NEK7: variants seen among roughly 807,000 people sequenced by gnomAD.
NEK7 encodes the protein serine/threonine-protein kinase Nek7.
A neutral mutation model predicts 44.6 loss-of-function variants in NEK7; 18 were observed. The observed-to-expected ratio is 0.40, with a 90% CI of 0.28 to 0.60. The LOEUF is 0.60. Among genes scored for constraint, NEK7 ranks in the 20% least tolerant of loss-of-function variants. The pLI, the probability that NEK7 is intolerant of heterozygous loss-of-function variation, is 0.38. For missense variants in NEK7, 256 were observed against 366.5 expected (o/e 0.70, Z 2.46); for synonymous variants, 130 against 121.1 (o/e 1.07, Z -0.48).
intron 8 of NEK7, among the ~76,000 whole-genome samples, chr1:198,296,166 C>T (rs920098016): frequency 1.3e-5 from 2 of 152,182 alleles, no homozygotes; most frequent in African/African-American, 4.8e-5. Context: ...GCGTGTTTCA[C>T]ACACACTCTG....
chr1:198,319,019 C>A (rs1309890460), intron 9 of NEK7, among the ~76,000 whole-genome samples: 4 of 151,938 alleles, frequency 2.6e-5, no homozygotes, highest in Non-Finnish European at 4.4e-5. Context: ...TTTAAACTTA[C>A]AATTAAGTCT....
At chr1:198,306,651 T>G (rs1433168398) in intron 9 of NEK7, among the ~76,000 whole-genome samples, 1 of 152,182 alleles carries the variant, frequency 6.6e-6, no homozygotes, top group African/African-American at 2.4e-5. Flanking sequence ...TGACCTTGTT[T>G]ATGATTGTTA....
intron 9 of NEK7, 80 bp from the exon 10 acceptor site, chr1:198,319,332 T>C: frequency 3.7e-6 from 3 of 800,272 alleles, no homozygotes; most frequent in Non-Finnish European, 6.1e-6. Context: ...AATCTATAGC[T>C]ATTCATAATT....
Position 198,319,581 on chromosome 1 carries a change from A to T in NEK7, c.*59A>T, listed in dbSNP as rs181376182. 47 of 1,488,108 alleles carry T rather than the reference A, an allele frequency of 3.2e-5. No homozygotes were observed. In the Admixed American group the frequency reaches 3.6e-4, roughly 11 times the overall value. The allele number at this position is 1,488,108 out of a possible 1,614,324, so 92.2% of individuals were successfully genotyped here. The stretch of plus-strand genomic sequence containing the variant: ...ATTGAAAGTATTTTGTGCAAGTCAT[A>T]CCTCCCCATTTATGTCTGGTGTTAA... On this transcript the variant is annotated 3_prime_UTR_variant, in exon 10 of 10. Transcript: ENST00000367385.
chr1:198,261,430 G>A (rs886254613), intron 3 of NEK7, among the ~76,000 whole-genome samples: 1 of 151,910 alleles, frequency 6.6e-6, no homozygotes. Context: ...TTGCAATGAA[G>A]TTTAAAGCAT....
At chr1:198,283,413 G>A (rs1654271762) in intron 7 of NEK7, among the ~76,000 whole-genome samples, 1 of 152,012 alleles carries the variant, frequency 6.6e-6, no homozygotes, top group Non-Finnish European at 1.5e-5. Context: ...GAACTCATTA[G>A]CCCATAGAGC....
At chr1:198,290,764 A>G (rs1350687228) in intron 7 of NEK7, among the ~76,000 whole-genome samples, 3 of 152,206 alleles carry the variant, frequency 2.0e-5, no homozygotes, top group African/African-American at 7.2e-5. Flanking sequence ...TAACGAATAT[A>G]TGTAGTTTAA....
intron 1 of NEK7, among the ~76,000 whole-genome samples, chr1:198,179,064 T>C (rs1397411987): frequency 1.3e-5 from 2 of 149,910 alleles, no homozygotes; most frequent in East Asian, 4.1e-4. Context: ...ATATGGTCAA[T>C]ATAAAAACAT....
chr1:198,242,212 G>C (rs1383767065), intron 2 of NEK7, among the ~76,000 whole-genome samples: 2 of 151,886 alleles, frequency 1.3e-5, no homozygotes, highest in Non-Finnish European at 2.9e-5. Flanking sequence ...CAGTCTCCCT[G>C]CTTCCATTCT....
At chr1:198,168,426 A>G (rs1057114270) in intron 1 of NEK7, among the ~76,000 whole-genome samples, 3 of 152,190 alleles carry the variant, frequency 2.0e-5, no homozygotes, top group African/African-American at 7.2e-5. Context: ...GTGGGTTGTC[A>G]TCCCCAGAAC....
chr1:198,280,518 A>G (rs1654162247), intron 7 of NEK7, among the ~76,000 whole-genome samples: 1 of 151,976 alleles, frequency 6.6e-6, no homozygotes, highest in South Asian at 2.1e-4. Context: ...CCACTTCTTA[A>G]CCATTTTGTT....
intron 6 of NEK7, 48 bp downstream of exon 6, chr1:198,278,117 A>C: frequency 1.0e-6 from 1 of 978,036 alleles, no homozygotes; most frequent in African/African-American, 1.6e-5. Flanking sequence ...AAATGATGTA[A>C]GTTCTTCAAA....
At chr1:198,163,574 A>G (rs1359450887) in intron 1 of NEK7, among the ~76,000 whole-genome samples, 1 of 152,234 alleles carries the variant, frequency 6.6e-6, no homozygotes, top group Non-Finnish European at 1.5e-5. Context: ...TGTTTTATGC[A>G]AATAGTATAT....
At chr1:198,228,017 C>A (rs1666278998) in intron 1 of NEK7, among the ~76,000 whole-genome samples, 2 of 152,174 alleles carry the variant, frequency 1.3e-5, no homozygotes, top group African/African-American at 2.4e-5. Flanking sequence ...ACATTTAAGT[C>A]TTTAATCCAT....
At chr1:198,172,252 G>C (rs1236462935) in intron 1 of NEK7, among the ~76,000 whole-genome samples, 1 of 152,112 alleles carries the variant, frequency 6.6e-6, no homozygotes, top group Non-Finnish European at 1.5e-5. Flanking sequence ...CCTTCTCTCT[G>C]AACTTTGAGT....
chr1:198,188,683 T>G (rs1664985993), intron 1 of NEK7, among the ~76,000 whole-genome samples: 1 of 152,176 alleles, frequency 6.6e-6, no homozygotes, highest in Non-Finnish European at 1.5e-5. Context: ...GATATATTAT[T>G]ATCAATATGA....
chr1:198,316,300 A>C (rs1655366183), intron 9 of NEK7, among the ~76,000 whole-genome samples: 1 of 152,316 alleles, frequency 6.6e-6, no homozygotes, highest in Admixed American at 6.5e-5. Flanking sequence ...TGTCCTTGGA[A>C]GACAGAGACT....
rs145656671 is a variant in NEK7 at position 198,170,628 on chromosome 1, C to G, written c.-29+13352C>G. Among the ~76,000 whole-genome samples the G allele has an allele frequency of 1.8e-4, 28 of 152,206 alleles. No individual in the cohort carries two copies. In the East Asian group the frequency reaches 5.2e-3, roughly 28 times the overall value. Reference sequence around the variant, plus strand: ...ATCCCCTCATGGAGAAAATGTTGCACTGAGTTAAATAAGGAAATAACTGGA... The same window carrying G: ...ATCCCCTCATGGAGAAAATGTTGCAGTGAGTTAAATAAGGAAATAACTGGA... On this transcript the variant is annotated intron_variant, in intron 1 of 9. Transcript: ENST00000367385.
intron 9 of NEK7, among the ~76,000 whole-genome samples, chr1:198,310,811 A>G (rs2103034693): frequency 6.6e-6 from 1 of 152,036 alleles, no homozygotes; most frequent in Non-Finnish European, 1.5e-5. Context: ...TCTGTTTTGG[A>G]CCACTACCAT....
Sources: gnomAD v4.1 joint callset for allele counts (sites outside exome capture counted in the v4.1 genomes callset) on GRCh38, gnomAD v4.1.1 for gene constraint, MANE v1.5 for transcripts, NCBI Gene and HGNC (gene_info 2026-07-23, HGNC 2026-07-21) for gene names.